The following GNAQ variants were observed in gnomAD, a reference collection of about 807,000 sequenced individuals.
GNAQ encodes guanine nucleotide-binding protein G(q) subunit alpha.
In GNAQ, 8 loss-of-function variants were observed where a neutral mutation model predicts 43.9. The observed-to-expected ratio is 0.18, with a 90% CI of 0.11 to 0.33. The LOEUF (loss-of-function observed/expected upper bound fraction) is 0.33. GNAQ is among the 10% of genes least tolerant of loss of function. The pLI is 1.00. For synonymous variants in GNAQ, 155 were observed against 170.7 expected (o/e 0.91, Z 0.71); for missense variants, 158 against 450.8 (o/e 0.35, Z 5.88).
intron 5 of GNAQ, among the ~76,000 whole-genome samples, chr9:77,760,623 C>T (rs1362953863): frequency 2.0e-5 from 3 of 152,090 alleles, no homozygotes; most frequent in Non-Finnish European, 2.9e-5. Context: ...TCTGCCCGGC[C>T]GCCACCCCGT....
At chr9:77,810,248 ATCTATCT>A (rs1826899454) in intron 3 of GNAQ, among the ~76,000 whole-genome samples, 1 of 150,172 alleles carries the variant, frequency 6.7e-6, no homozygotes. Context: ...CTATCTATCT[ATCTATCT>A]ATCTATCTAT....
intron 2 of GNAQ, among the ~76,000 whole-genome samples, chr9:77,889,337 G>T (rs547081139): frequency 3.4e-5 from 5 of 146,970 alleles, no homozygotes; most frequent in Middle Eastern, 3.5e-3. Flanking sequence ...CGTGAGCCTG[G>T]GAGGCGTAGG....
chr9:77,719,829 C>G lies in GNAQ; in HGVS notation c.*1494G>C, dbSNP rs896264830. 2 of 232,502 alleles carry G rather than the reference C, an allele frequency of 8.6e-6. No homozygotes were observed. Among genetic ancestry groups the G allele is most frequent in the African/African-American group, 4.4e-5 (2 of 45,276 alleles). The allele number at this position is 232,502 out of a possible 1,614,324, so 14.4% of individuals were successfully genotyped here. On this transcript the variant is annotated 3_prime_UTR_variant, in exon 7 of 7. Transcript: ENST00000286548. Reference sequence around the variant, plus strand: ...TTACACAAATACATGTTCTATAGAACACTGAGAGGTTACTTTTGAGTTAAG... The same window carrying G: ...TTACACAAATACATGTTCTATAGAAGACTGAGAGGTTACTTTTGAGTTAAG...
intron 5 of GNAQ, among the ~76,000 whole-genome samples, chr9:77,794,152 C>A (rs1198847122): frequency 6.6e-6 from 1 of 152,132 alleles, no homozygotes; most frequent in African/African-American, 2.4e-5. Context: ...CAGTTCTATC[C>A]TGTAGGAGGA....
Position 77,957,687 on chromosome 9 carries a change from C to T in GNAQ, c.137-35342G>A, listed in dbSNP as rs563847148. On this transcript the variant is annotated intron_variant, in intron 1 of 6. Transcript: ENST00000286548. ...TGAAGGAGGAGGCTACAGGCAAAAGCGAGTCCATCTTATTTAACATCACAG... is the reference window on the plus strand; with the variant it reads ...TGAAGGAGGAGGCTACAGGCAAAAGTGAGTCCATCTTATTTAACATCACAG... 3.3e-5 allele frequency among the ~76,000 whole-genome samples: 5 copies of T among 152,220 alleles called. No homozygotes were observed. The South Asian group carries it at 8.3e-4, about 25-fold the overall frequency.
At chr9:77,818,702 C>T (rs1011346754) in intron 2 of GNAQ, among the ~76,000 whole-genome samples, 4 of 152,030 alleles carry the variant, frequency 2.6e-5, no homozygotes, top group Non-Finnish European at 1.5e-5. Context: ...ACATTGTGCA[C>T]AGAAAAGCAA....
intron 2 of GNAQ, among the ~76,000 whole-genome samples, chr9:77,828,693 TC>T (rs1476100299): frequency 2.0e-5 from 3 of 152,236 alleles, no homozygotes; most frequent in African/African-American, 7.2e-5. Flanking sequence ...TGTCTTGCCT[TC>T]TTATATATTT....
At chr9:77,796,564 T>G (rs1826662353) in intron 4 of GNAQ, among the ~76,000 whole-genome samples, 1 of 152,204 alleles carries the variant, frequency 6.6e-6, no homozygotes, top group Non-Finnish European at 1.5e-5. Context: ...AACAACAGAA[T>G]GCTTCTGCTG....
chr9:77,811,191 C>T (rs532382758), intron 3 of GNAQ, among the ~76,000 whole-genome samples: 1 of 151,902 alleles, frequency 6.6e-6, no homozygotes, highest in South Asian at 2.1e-4. Flanking sequence ...GAAGTTGGTC[C>T]TAAGCTCAGA....
At chr9:77,762,300 G>T (rs574011493) in intron 5 of GNAQ, among the ~76,000 whole-genome samples, 2 of 147,384 alleles carry the variant, frequency 1.4e-5, no homozygotes, top group South Asian at 2.1e-4. Context: ...AGGGAGGTGG[G>T]GGGGTCAGCC....
chr9:77,773,462 G>A (rs1357466746), intron 5 of GNAQ, among the ~76,000 whole-genome samples: 1 of 152,142 alleles, frequency 6.6e-6, no homozygotes, highest in Non-Finnish European at 1.5e-5. Context: ...TAAGAGTAAT[G>A]ATATCCTCAT....
intron 5 of GNAQ, among the ~76,000 whole-genome samples, chr9:77,739,133 T>TA (rs750328903): frequency 1.3e-5 from 2 of 152,182 alleles, no homozygotes; most frequent in African/African-American, 2.4e-5. Flanking sequence ...TGTGTGAACT[T>TA]ACTCGTTTGA....
At chr9:78,023,596 G>A (rs943673967) in intron 1 of GNAQ, among the ~76,000 whole-genome samples, 2 of 151,500 alleles carry the variant, frequency 1.3e-5, no homozygotes, top group African/African-American at 4.9e-5. Context: ...GGTGGTAGAA[G>A]ATCTCACCAA....
intron 1 of GNAQ, among the ~76,000 whole-genome samples, chr9:77,997,407 A>G (rs1482162111): frequency 6.6e-6 from 1 of 152,128 alleles, no homozygotes; most frequent in African/African-American, 2.4e-5. Context: ...TGTGACCTCC[A>G]GCTCCAACTT....
chr9:78,000,955 A>G (rs1042125413), intron 1 of GNAQ, among the ~76,000 whole-genome samples: 9 of 152,240 alleles, frequency 5.9e-5, no homozygotes, highest in East Asian at 1.9e-4. Context: ...AATCAAAAAC[A>G]TAACTTTGCA....
intron 2 of GNAQ, among the ~76,000 whole-genome samples, chr9:77,889,950 CA>C (rs1828374510): frequency 6.6e-6 from 1 of 152,128 alleles, no homozygotes. Flanking sequence ...ATTAATTTTA[CA>C]TGCAAACATT....
rs72734788 is a variant in GNAQ at position 77,751,621 on chromosome 9, T to C, written c.736-22954A>G. Among the ~76,000 whole-genome samples, 199 of 152,172 alleles carry C rather than the reference T, an allele frequency of 1.3e-3. 1 individual carries two copies. The highest frequency in any genetic ancestry group is 3.9e-3 in the Admixed American group (60 of 15,280). On this transcript the variant is annotated intron_variant, in intron 5 of 6. Coordinates refer to ENST00000286548, the MANE Select transcript of GNAQ (RefSeq NM_002072.5). ...CAGAGACGTGGAAAGAGCTACAACC[T>C]CACTTAAAGCAATGCTGCCCCCATG...
intron 2 of GNAQ, among the ~76,000 whole-genome samples, chr9:77,849,974 C>T (rs1289084873): frequency 6.6e-6 from 1 of 152,190 alleles, no homozygotes; most frequent in Non-Finnish European, 1.5e-5. Flanking sequence ...GTACTGACCA[C>T]TCTGTCTAAA....
intron 1 of GNAQ, among the ~76,000 whole-genome samples, chr9:77,983,967 G>T (rs926608625): frequency 7.2e-5 from 10 of 138,780 alleles, no homozygotes; most frequent in African/African-American, 2.4e-4. Context: ...CTAACACGTT[G>T]TGCTTTTATT....
Sources: allele counts gnomAD v4.1 joint callset (sites outside exome capture counted in the v4.1 genomes callset), GRCh38; gene constraint gnomAD v4.1.1; transcripts MANE v1.5; gene names NCBI Gene and HGNC (gene_info 2026-07-23, HGNC 2026-07-21).